The following PEX5L variants were observed in gnomAD, a reference collection of about 807,000 sequenced individuals.
The protein encoded by PEX5L is peroxisomal biogenesis factor 5 like.
A neutral mutation model predicts 84.0 loss-of-function variants in PEX5L; 30 were observed. The observed-to-expected ratio is 0.36, with a 90% CI of 0.27 to 0.48. The LOEUF (loss-of-function observed/expected upper bound fraction) is 0.48. PEX5L is among the 20% of genes least tolerant of loss of function. The probability of loss-of-function intolerance (pLI) is 0.99; values close to 1 mark genes in which losing one functional copy is unlikely to be tolerated. For synonymous variants in PEX5L, 270 were observed against 283.1 expected (o/e 0.95, Z 0.46); for missense variants, 533 against 754.6 (o/e 0.71, Z 3.44).
rs146230186 is a variant in PEX5L at position 179,819,883 on chromosome 3, C to T, written c.916G>A (p.Val306Ile). ...ACCTTCTCACTAGCCGAGATGGTTA[C>T]TTGGTTCTGGGCTTCTTGGTTCTCA... Reference protein sequence around the residue: ...ISENQEAQNQVTISASEKGYY... With the variant: ...ISENQEAQNQITISASEKGYY... The change falls in exon 9 of 15, where the codon GTA (valine) becomes ATA (isoleucine). Residue 306 changes from valine to isoleucine, a missense_variant. Transcript: ENST00000467460. 6.2e-7 allele frequency: 1 copy of T among 1,614,094 alleles called. No individual in the cohort carries two copies. The highest frequency in any genetic ancestry group is 1.1e-5 in the South Asian group (1 of 91,082).
At chr3:179,845,247 T>C (rs1738876851) in intron 8 of PEX5L, among the ~76,000 whole-genome samples, 1 of 152,242 alleles carries the variant, frequency 6.6e-6, no homozygotes, top group South Asian at 2.1e-4. Flanking sequence ...TTTTTTACTC[T>C]TTTGATACAA....
chr3:179,952,429 G>A (rs7642327), intron 2 of PEX5L, among the ~76,000 whole-genome samples: 108,951 of 152,012 alleles, frequency 0.72, 39,644 homozygotes, highest in East Asian at 0.89. Context: ...AGAAGGGAAA[G>A]ATGTGTATAT....
At chr3:179,982,396 C>T (rs140587647) in intron 1 of PEX5L, among the ~76,000 whole-genome samples, 2 of 152,294 alleles carry the variant, frequency 1.3e-5, no homozygotes, top group African/African-American at 4.8e-5. Context: ...ATATAGATGA[C>T]TACTGACGAT....
At chr3:179,871,318 C>T (rs370433335) in intron 7 of PEX5L, among the ~76,000 whole-genome samples, 1 of 151,926 alleles carries the variant, frequency 6.6e-6, no homozygotes, top group Admixed American at 6.6e-5. Context: ...ACCCAGGCTG[C>T]TTTCGAACTC....
At chr3:180,009,317 C>T (rs1333457614) in intron 1 of PEX5L, among the ~76,000 whole-genome samples, 2 of 152,138 alleles carry the variant, frequency 1.3e-5, no homozygotes, top group East Asian at 1.9e-4. Context: ...TACACGTCCT[C>T]ATAAGGCACA....
intron 1 of PEX5L, among the ~76,000 whole-genome samples, chr3:179,989,144 C>T (rs1787149001): frequency 6.6e-6 from 1 of 152,164 alleles, no homozygotes; most frequent in Admixed American, 6.5e-5. Flanking sequence ...GCTAAGTTGT[C>T]TGGTTCTACC....
chr3:180,031,510 T>G (rs1791462930), intron 1 of PEX5L, among the ~76,000 whole-genome samples: 1 of 152,242 alleles, frequency 6.6e-6, no homozygotes, highest in Admixed American at 6.5e-5. Context: ...GGAACTTGGT[T>G]ACTAGTTTTC....
intron 1 of PEX5L, among the ~76,000 whole-genome samples, chr3:180,010,508 A>T (rs1374589389): frequency 6.6e-6 from 1 of 152,052 alleles, no homozygotes; most frequent in Admixed American, 6.6e-5. Context: ...GAGGTTGAGA[A>T]ACCCTGGCAT....
chr3:179,857,745 C>A (rs1183441968), intron 8 of PEX5L, among the ~76,000 whole-genome samples: 1 of 152,136 alleles, frequency 6.6e-6, no homozygotes, highest in Non-Finnish European at 1.5e-5. Context: ...GTGCTACACA[C>A]AGTAGGAGTT....
chr3:179,896,707 G>T (rs1193536657), intron 3 of PEX5L, among the ~76,000 whole-genome samples: 1 of 152,190 alleles, frequency 6.6e-6, no homozygotes, highest in Non-Finnish European at 1.5e-5. Flanking sequence ...TTGCAAATTT[G>T]GTTAGGTCTT....
chr3:179,957,938 C>T (rs547429219), intron 2 of PEX5L, among the ~76,000 whole-genome samples: 111 of 152,246 alleles, frequency 7.3e-4, no homozygotes, highest in Middle Eastern at 3.4e-3. Flanking sequence ...GGCATCTGCT[C>T]TTTTTTGCAG....
intron 1 of PEX5L, among the ~76,000 whole-genome samples, chr3:180,014,389 G>T (rs1789753037): frequency 6.6e-6 from 1 of 151,870 alleles, no homozygotes. Flanking sequence ...GGAGAATGGC[G>T]TGAACCCGGG....
intron 1 of PEX5L, among the ~76,000 whole-genome samples, chr3:179,987,253 T>C (rs1786937483): frequency 6.8e-6 from 1 of 147,988 alleles, no homozygotes; most frequent in Non-Finnish European, 1.5e-5. Flanking sequence ...TTTCCCTCCC[T>C]TCCTTCCTTC....
At chr3:179,969,516 A>G (rs895814302) in intron 2 of PEX5L, among the ~76,000 whole-genome samples, 2 of 152,114 alleles carry the variant, frequency 1.3e-5, no homozygotes, top group Non-Finnish European at 2.9e-5. Flanking sequence ...AATTTCTTAT[A>G]GCTTTATAAA....
At chr3:179,813,171 C>T (rs1724557335) in intron 10 of PEX5L, among the ~76,000 whole-genome samples, 1 of 152,100 alleles carries the variant, frequency 6.6e-6, no homozygotes, top group Non-Finnish European at 1.5e-5. Context: ...TCTCTGGGGA[C>T]GTTTTTCTAG....
chr3:179,996,468 G>T (rs1014431383), intron 1 of PEX5L, among the ~76,000 whole-genome samples: 1 of 152,146 alleles, frequency 6.6e-6, no homozygotes, highest in Admixed American at 6.6e-5. Flanking sequence ...GGCCCACTGC[G>T]AGTGAGCTGG....
At chr3:180,021,378 T>C (rs1205666411) in intron 1 of PEX5L, among the ~76,000 whole-genome samples, 1 of 152,186 alleles carries the variant, frequency 6.6e-6, no homozygotes, top group Non-Finnish European at 1.5e-5. Context: ...CATACTTCAG[T>C]GTGCATTAAG....
At chr3:179,944,008 C>CA (rs199564733) in intron 2 of PEX5L, among the ~76,000 whole-genome samples, 4 of 151,446 alleles carry the variant, frequency 2.6e-5, no homozygotes, top group African/African-American at 9.7e-5. Flanking sequence ...CCTCCCCCCC[C>CA]CAAAAAACTG....
At chr3:179,902,630 GC>G in intron 2 of PEX5L, 1 of 455,758 alleles carries the variant, frequency 2.2e-6, no homozygotes, top group South Asian at 1.6e-5. Context: ...TTAAATGCTA[GC>G]TAAATGCCAT....
Sources: allele counts gnomAD v4.1 joint callset (sites outside exome capture counted in the v4.1 genomes callset), GRCh38; gene constraint gnomAD v4.1.1; transcripts MANE v1.5; gene names NCBI Gene and HGNC (gene_info 2026-07-23, HGNC 2026-07-21).